The following NDUFS4 variants were observed in gnomAD, a reference collection of about 807,000 sequenced individuals.
NDUFS4 encodes the protein NADH dehydrogenase [ubiquinone] iron-sulfur protein 4, mitochondrial.
Under a neutral mutation model 24.3 loss-of-function variants are expected in NDUFS4, and 28 were observed. That is an observed-to-expected ratio of 1.15 (90% CI 0.85 to 1.58). The LOEUF (loss-of-function observed/expected upper bound fraction) is 1.58. NDUFS4 is among the 40% of genes most tolerant of loss of function. The pLI is 0.00. For missense variants in NDUFS4, 223 were observed against 207.9 expected (o/e 1.07, Z -0.45); for synonymous variants, 93 against 69.7 (o/e 1.34, Z -1.67).
intron 3 of NDUFS4, among the ~76,000 whole-genome samples, chr5:53,655,647 TATTA>T (rs1384320185): frequency 2.0e-5 from 3 of 152,210 alleles, no homozygotes; most frequent in Admixed American, 6.5e-5. Context: ...AACAATAATC[TATTA>T]ATTATCTGAT....
At chr5:53,668,291 A>G (rs1051821193) in intron 4 of NDUFS4, among the ~76,000 whole-genome samples, 5 of 152,208 alleles carry the variant, frequency 3.3e-5, no homozygotes, top group African/African-American at 1.2e-4. Context: ...TATTCTGAAG[A>G]TAAAAGCCTA....
intron 1 of NDUFS4, among the ~76,000 whole-genome samples, chr5:53,587,875 C>A (rs1219712431): frequency 6.6e-6 from 1 of 152,132 alleles, no homozygotes; most frequent in Non-Finnish European, 1.5e-5. Context: ...CCATGCCTGG[C>A]AATACTTCAC....
intron 4 of NDUFS4, among the ~76,000 whole-genome samples, chr5:53,675,691 A>G (rs1406590763): frequency 6.6e-6 from 1 of 152,212 alleles, no homozygotes; most frequent in Non-Finnish European, 1.5e-5. Context: ...ATTTGAGTCC[A>G]AAATAGATTA....
intron 4 of NDUFS4, among the ~76,000 whole-genome samples, chr5:53,664,611 A>C (rs1369625458): frequency 6.6e-6 from 1 of 152,118 alleles, no homozygotes; most frequent in East Asian, 1.9e-4. Flanking sequence ...CCTTTCTTCC[A>C]GTTGATCAAA....
chr5:53,602,091 G>T (rs912678853), intron 1 of NDUFS4, among the ~76,000 whole-genome samples: 1 of 152,098 alleles, frequency 6.6e-6, no homozygotes, highest in African/African-American at 2.4e-5. Context: ...TTTAGAAAAT[G>T]TGATAACATT....
rs574389910 is a variant in NDUFS4, at chr5:53,579,003, T to C, written c.98+18243T>C. 3.3e-5 allele frequency among the ~76,000 whole-genome samples: 5 copies of C among 152,330 alleles called. No homozygotes were observed. The South Asian group carries it at 1.0e-3, about 32-fold the overall frequency. On this transcript the variant is annotated intron_variant, in intron 1 of 4. Transcript: ENST00000296684. ...AACCCACAACAATCTATCTTTAGCA[T>C]CTACCATTCCACTGAAATAGCTTTG...
intron 2 of NDUFS4, among the ~76,000 whole-genome samples, chr5:53,639,175 A>G (rs1751638003): frequency 6.6e-6 from 1 of 151,812 alleles, no homozygotes; most frequent in Non-Finnish European, 1.5e-5. Flanking sequence ...TTTTGTATAA[A>G]AGTTGTTTCT....
At chr5:53,644,630 A>C (rs1005933004) in intron 2 of NDUFS4, among the ~76,000 whole-genome samples, 6 of 152,096 alleles carry the variant, frequency 3.9e-5, no homozygotes, top group African/African-American at 1.4e-4. Flanking sequence ...GAAATTACCA[A>C]TTAAAGTATT....
intron 3 of NDUFS4, among the ~76,000 whole-genome samples, chr5:53,656,715 TAGAC>T (rs1370416598): frequency 6.6e-6 from 1 of 152,216 alleles, no homozygotes; most frequent in Non-Finnish European, 1.5e-5. Context: ...GTTAATGTGA[TAGAC>T]AGTGAAAACT....
At chr5:53,596,750 AGTCT>A (rs1750146417) in intron 1 of NDUFS4, among the ~76,000 whole-genome samples, 1 of 152,202 alleles carries the variant, frequency 6.6e-6, no homozygotes, top group Non-Finnish European at 1.5e-5. Context: ...ATATAAGGTG[AGTCT>A]GGGTTAATTT....
At chr5:53,572,873 C>G (rs537777797) in intron 1 of NDUFS4, among the ~76,000 whole-genome samples, 1 of 151,060 alleles carries the variant, frequency 6.6e-6, no homozygotes, top group Non-Finnish European at 1.5e-5. Flanking sequence ...CTCGAACTCC[C>G]GACCTCGTGA....
intron 1 of NDUFS4, among the ~76,000 whole-genome samples, chr5:53,601,809 G>C (rs1367056612): frequency 2.6e-5 from 4 of 152,176 alleles, no homozygotes; most frequent in Non-Finnish European, 5.9e-5. Context: ...ACCTGCGTTA[G>C]TCAGAACTTA....
At chr5:53,619,010 C>T (rs111373946) in intron 2 of NDUFS4, among the ~76,000 whole-genome samples, 64 of 151,714 alleles carry the variant, frequency 4.2e-4, no homozygotes, top group African/African-American at 1.3e-3. Context: ...GCTACTCAGG[C>T]GGCTGAGACA....
chr5:53,580,667 CTTTCTT>C (rs1489690535), intron 1 of NDUFS4, among the ~76,000 whole-genome samples: 4 of 107,110 alleles, frequency 3.7e-5, no homozygotes. Context: ...CTTTCTCTCT[CTTTCTT>C]TCTTTCTCTT....
At chr5:53,683,002 C>G in intron 4 of NDUFS4, 116 bp from the exon 5 acceptor site, 1 of 788,000 alleles carries the variant, frequency 1.3e-6, no homozygotes, top group African/African-American at 1.7e-5. Context: ...GACATATACT[C>G]TTGATGATAA....
intron 1 of NDUFS4, among the ~76,000 whole-genome samples, chr5:53,576,946 GT>G: frequency 6.6e-6 from 1 of 152,130 alleles, no homozygotes; most frequent in Non-Finnish European, 1.5e-5. Flanking sequence ...TGGAACATCT[GT>G]TTTGAGGATT....
intron 2 of NDUFS4, among the ~76,000 whole-genome samples, chr5:53,635,556 G>A (rs1448549387): frequency 6.6e-6 from 1 of 152,022 alleles, no homozygotes; most frequent in African/African-American, 2.4e-5. Flanking sequence ...AAAGAATCCT[G>A]AAGTATTGGG....
At chr5:53,683,029 G>A in intron 4 of NDUFS4, 89 bp from the exon 5 acceptor site, 1 of 857,680 alleles carries the variant, frequency 1.2e-6, no homozygotes, top group Admixed American at 1.7e-5. Context: ...ATTAAGTTAA[G>A]TTATAAAAGC....
intron 4 of NDUFS4, among the ~76,000 whole-genome samples, chr5:53,669,022 TATTCATTTATATATA>T (rs1752595259): frequency 6.6e-6 from 1 of 152,200 alleles, no homozygotes; most frequent in African/African-American, 2.4e-5. Context: ...CAGTCATGTT[TATTCATTTATATATA>T]GTCTATGACT....
Sources: allele counts gnomAD v4.1 joint callset (sites outside exome capture counted in the v4.1 genomes callset), GRCh38; gene constraint gnomAD v4.1.1; transcripts MANE v1.5; gene names NCBI Gene and HGNC (gene_info 2026-07-23, HGNC 2026-07-21).